Variants in SERPINB4 observed in about 807,000 individuals in gnomAD.
SERPINB4 encodes the protein serpin B4.
In SERPINB4, 39 loss-of-function variants were observed where a neutral mutation model predicts 33.2. The ratio of observed to expected loss-of-function variants is 1.18; its 90% CI spans 0.91 to 1.53. The LOEUF (loss-of-function observed/expected upper bound fraction) is 1.53. SERPINB4 is among the 40% of genes most tolerant of loss of function. The pLI, the probability that SERPINB4 is intolerant of heterozygous loss-of-function variation, is 0.00. For synonymous variants in SERPINB4, 191 were observed against 166.4 expected (o/e 1.15, Z -1.14); for missense variants, 564 against 455.4 (o/e 1.24, Z -2.17).
In SERPINB4 at chr18:63,643,179, T is replaced by A. The variant is rs1913194474; in HGVS notation, c.204A>T (p.Glu68Asp). 1 of 1,613,388 alleles carries A rather than the reference T, an allele frequency of 6.2e-7. No individual in the cohort carries two copies. The highest frequency in any genetic ancestry group is 8.5e-7 in the Non-Finnish European group (1 of 1,179,556). Residue 68 changes from glutamate to aspartate, a missense_variant, in exon 3 of 8, where the codon GAA becomes GAT. Glu to Asp is a conservative substitution (Grantham distance 45). Coordinates refer to ENST00000341074, the MANE Select transcript of SERPINB4 (RefSeq NM_002974.4). ...GACTCACATGATATGTTGCAGCTTT[T>A]TCTGTGGTGTTCTCTGTGACTTGAT... The part of the protein sequence containing the change: ...HFDQVTENTT[E>D]KAATYHVDRS...
At position 63,637,850 on chromosome 18, in the gene SERPINB4, C is replaced by T. The variant is rs200350590; in HGVS notation, c.1042G>A (p.Ala348Thr). The T allele has an allele frequency of 5.5e-5, 88 of 1,613,486 alleles. 1 individual carries two copies. The highest frequency in any genetic ancestry group is 1.7e-4 in the Middle Eastern group (1 of 6,058). The change falls in exon 8 of 8, where the codon GCT becomes ACT. Residue 348 changes from alanine to threonine, a missense_variant. Ala to Thr is a moderately conservative substitution (Grantham distance 58). Coordinates refer to ENST00000341074, the MANE Select transcript of SERPINB4 (RefSeq NM_002974.4). ...GATGATAATTCGACTACTACTACAG[C>T]GGTGGCAGCTGCAGCTTCCACTCCC... ...EEGVEAAAAT[A>T]VVVVELSSPS...
intron 7 of SERPINB4, among the ~76,000 whole-genome samples, chr18:63,638,704 T>C (rs1281859059): frequency 6.6e-6 from 1 of 150,824 alleles, no homozygotes; most frequent in Non-Finnish European, 1.5e-5. Flanking sequence ...GTAACTCTAA[T>C]AAATTAATCA....
Position 63,639,355 on chromosome 18 carries a change from T to C in SERPINB4, c.613-15A>G, listed in dbSNP as rs1227229032. The C allele has an allele frequency of 1.3e-6, 2 of 1,593,190 alleles. No individual in the cohort carries two copies. Among genetic ancestry groups the C allele is most frequent in the South Asian group, 1.1e-5 (1 of 88,390 alleles). The stretch of plus-strand genomic sequence containing the variant: ...TTGTATGTATTCTGCAATAAATCAA[T>C]GTGTCCAACAAATAACACGTGAAAC... On this transcript the variant is annotated splice_polypyrimidine_tract_variant and intron_variant, in intron 6 of 7. Transcript: ENST00000341074.
chr18:63,641,737 G>C, intron 4 of SERPINB4, 23 bp downstream of exon 4: 2 of 1,613,022 alleles, frequency 1.2e-6, no homozygotes, highest in Non-Finnish European at 1.7e-6. Context: ...CAAATGAAAT[G>C]TGGGTAGGCC....
At chr18:63,641,633 T>G in intron 4 of SERPINB4, 127 bp downstream of exon 4, 2 of 1,399,264 alleles carry the variant, frequency 1.4e-6, no homozygotes, top group East Asian at 4.6e-5. Flanking sequence ...ATGGAGCTAA[T>G]GCACTCTGAG....
chr18:63,638,279 A>ATTACC (rs1913006621), intron 7 of SERPINB4, among the ~76,000 whole-genome samples, 156 bp from the exon 8 acceptor site: 2 of 152,128 alleles, frequency 1.3e-5, no homozygotes, highest in Non-Finnish European at 2.9e-5. Context: ...TAGGTAAAAT[A>ATTACC]TGAGTCCTGA....
In SERPINB4 at chr18:63,639,314, C is replaced by T. The variant is rs776020594; in HGVS notation, c.639G>A (p.Met213Ile). The change falls in exon 7 of 8, where the codon ATG (methionine) becomes ATA (isoleucine). Residue 213 changes from methionine (M) to isoleucine (I), a missense_variant. Transcript: ENST00000341074. ...NKNTYKSVQM[M>I]RQYNSFNFAL... The stretch of plus-strand genomic sequence containing the variant: ...CAAAATTAAAGGAATTGTATTGCCT[C>T]ATCATCTGTACAGATTTGTATGTAT... 6.8e-6 allele frequency: 11 copies of T among 1,611,930 alleles called. No homozygotes were observed. The South Asian group carries it at 8.8e-5, about 13-fold the overall frequency.
chr18:63,641,710 A>G (rs781624274), intron 4 of SERPINB4, 50 bp downstream of exon 4: 5 of 1,612,554 alleles, frequency 3.1e-6, no homozygotes, highest in Non-Finnish European at 4.2e-6. Context: ...CCACTCAGAG[A>G]CACAGACATC....
At position 63,643,547 on chromosome 18, in the gene SERPINB4, A is replaced by C. The variant is rs1416831175; in HGVS notation, c.31T>G (p.Phe11Val). The C allele has an allele frequency of 1.2e-6, 2 of 1,613,466 alleles. No individual in the cohort carries two copies. The highest frequency in any genetic ancestry group is 1.1e-5 in the South Asian group (1 of 91,072). The change falls in exon 2 of 8, where the codon TTC (phenylalanine) becomes GTC (valine). Residue 11 changes from phenylalanine (F) to valine (V), a missense_variant. By Grantham distance (50) the Phe-to-Val change is conservative. Coordinates refer to ENST00000341074, the MANE Select transcript of SERPINB4 (RefSeq NM_002974.4). Reference protein sequence around the residue: MNSLSEANTKFMFDLFQQFRK... With the variant: MNSLSEANTKVMFDLFQQFRK... ...AACTGTTGGAACAGATCGAACATGAACTTGGTGTTGGCTTCACTGAGTGAA... is the reference window on the plus strand; with the variant it reads ...AACTGTTGGAACAGATCGAACATGACCTTGGTGTTGGCTTCACTGAGTGAA...
chr18:63,640,724 T>A lies in SERPINB4; in HGVS notation c.469+150A>T. 3 of 638,536 alleles carry A rather than the reference T, an allele frequency of 4.7e-6. No homozygotes were observed. The South Asian group carries it at 6.3e-5, about 13-fold the overall frequency. 39.6% of individuals were successfully genotyped at this position (638,536 alleles called of 1,614,324 possible). ...CTCCCCTAGGCTCTCTTCATATTCA[T>A]TTGGACAAATCCTTCATCTGGAGTG... On this transcript the variant is annotated intron_variant, in intron 5 of 7. Coordinates refer to ENST00000341074, the MANE Select transcript of SERPINB4 (RefSeq NM_002974.4).
Position 63,638,128 on chromosome 18 carries a change from A to G in SERPINB4, c.769-5T>C, listed in dbSNP as rs765454204. 3.1e-6 allele frequency: 5 copies of G among 1,609,444 alleles called. No homozygotes were observed. The East Asian group carries it at 1.1e-4, about 36-fold the overall frequency. ...AGCAGTGAGTTTCTCTTCAAGCTAT[A>G]CAAATGGAAAAAAGAAACTGATATG... On this transcript the variant is annotated splice_region_variant and splice_polypyrimidine_tract_variant and intron_variant, in intron 7 of 7. Coordinates refer to ENST00000341074, the MANE Select transcript of SERPINB4 (RefSeq NM_002974.4).
At chr18:63,643,742 A>G in intron 1 of SERPINB4, 139 bp from the exon 2 acceptor site, 1 of 930,926 alleles carries the variant, frequency 1.1e-6, no homozygotes, top group East Asian at 2.6e-5. Context: ...TTAACGCTTC[A>G]ATCTTTCTAC....
intron 6 of SERPINB4, 60 bp from the exon 7 acceptor site, chr18:63,639,400 A>G (rs1268944936): frequency 7.5e-6 from 11 of 1,475,320 alleles, no homozygotes; most frequent in South Asian, 1.3e-5. Context: ...AAAAGATAAT[A>G]TTATTGAGAT....
chr18:63,639,623 A>G lies in SERPINB4; in HGVS notation c.612+11T>C. ...ACATATTACACTATATAAATAAAAT[A>G]TAGACAATACCTTGTTTGGCCAAAA... On this transcript the variant is annotated intron_variant, in intron 6 of 7. Transcript: ENST00000341074. The G allele has an allele frequency of 6.7e-7, 1 of 1,500,926 alleles. No homozygotes were observed. The highest frequency in any genetic ancestry group is 1.1e-5 in the South Asian group (1 of 87,784). The allele number at this position is 1,500,926 out of a possible 1,614,324, so 93.0% of individuals were successfully genotyped here.
rs532098520 is a variant in SERPINB4, at chr18:63,639,248, T to C, written c.705A>G (p.Pro235=). 46 of 1,612,846 alleles carry C rather than the reference T, an allele frequency of 2.9e-5. No homozygotes were observed. Among genetic ancestry groups the C allele is most frequent in the African/African-American group, 1.5e-4 (11 of 74,982 alleles). The change falls in exon 7 of 8, where the codon CCA becomes CCG. Residue 235 remains proline (P), a synonymous_variant. Transcript: ENST00000341074. ...EDVQAKVLEI[P]YKGKDLSMIV... is the part of the protein sequence containing the mutation. ...TCATGCTTAGATCTTTGCCTTTGTA[T>C]GGTATTTCCAGGACCTTGGCCTGTA...
intron 3 of SERPINB4, 59 bp downstream of exon 3, chr18:63,643,102 G>C (rs1196075366): frequency 6.2e-7 from 1 of 1,606,846 alleles, no homozygotes; most frequent in East Asian, 2.2e-5. Context: ...TGAAGTTCCA[G>C]GTTTAAACTA....
At chr18:63,641,948 T>C in intron 3 of SERPINB4, 60 bp from the exon 4 acceptor site, 1 of 1,604,442 alleles carries the variant, frequency 6.2e-7, no homozygotes, top group Non-Finnish European at 8.5e-7. Context: ...ACTAAACCCA[T>C]GCTAAGTCTG....
rs752947556 is a variant in SERPINB4, at chr18:63,643,688, A to T, written c.-26-85T>A. ...TACAATTTTCTTAAAGAAATGATATATCTGGGTTGTGAGATTTTGACATTT... is the reference window on the plus strand; with the variant it reads ...TACAATTTTCTTAAAGAAATGATATTTCTGGGTTGTGAGATTTTGACATTT... On this transcript the variant is annotated intron_variant, in intron 1 of 7. Coordinates refer to ENST00000341074, the MANE Select transcript of SERPINB4 (RefSeq NM_002974.4). 1,211 of 1,433,428 alleles carry T rather than the reference A, an allele frequency of 8.4e-4. 2 individuals carry two copies. Among genetic ancestry groups the T allele is most frequent in the Middle Eastern group, 5.4e-3 (29 of 5,414 alleles). 88.8% of individuals were successfully genotyped at this position (1,433,428 alleles called of 1,614,324 possible).
At position 63,640,982 on chromosome 18, in the gene SERPINB4, C is replaced by G; in HGVS notation, c.361G>C (p.Asp121His). 6.2e-7 allele frequency: 1 copy of G among 1,611,424 alleles called. No homozygotes were observed. Among genetic ancestry groups the G allele is most frequent in the Non-Finnish European group, 8.5e-7 (1 of 1,177,982 alleles). Residue 121 changes from aspartate to histidine, a missense_variant, in exon 5 of 8, where the codon GAT (aspartate) becomes CAT (histidine). Physicochemically the swap from Asp to His is moderately conservative, Grantham distance 81 (BLOSUM62 -1). Coordinates refer to ENST00000341074, the MANE Select transcript of SERPINB4 (RefSeq NM_002974.4). ...KTYQFLQEYL[D>H]AIKKFYQTSV... is the part of the protein sequence containing the mutation. ...GTCTGGTAAAATTTCTTGATGGCAT[C>G]TAAATATTCCTTTGAGATATGAAGG...
Sources: allele counts gnomAD v4.1 joint callset (sites outside exome capture counted in the v4.1 genomes callset), GRCh38; gene constraint gnomAD v4.1.1; transcripts MANE v1.5; gene names NCBI Gene and HGNC (gene_info 2026-07-23, HGNC 2026-07-21).